The following IVNS1ABP variants were observed in gnomAD, a reference collection of about 807,000 sequenced individuals.
IVNS1ABP encodes influenza virus NS1A-binding protein.
A neutral mutation model predicts 78.9 loss-of-function variants in IVNS1ABP; 25 were observed. That is an observed-to-expected ratio of 0.32 (90% confidence interval 0.23 to 0.44). IVNS1ABP has a LOEUF of 0.44. IVNS1ABP is among the 20% of genes least tolerant of loss of function. IVNS1ABP has a pLI of 1.00. For missense variants in IVNS1ABP, 494 were observed against 768.9 expected (o/e 0.64, Z 4.23); for synonymous variants, 241 against 259.7 (o/e 0.93, Z 0.69).
In IVNS1ABP at chr1:185,307,526, G is replaced by T; in HGVS notation, c.494C>A (p.Ser165Tyr). 6.2e-7 allele frequency: 1 copy of T among 1,613,250 alleles called. No homozygotes were observed. Among genetic ancestry groups the T allele is most frequent in the East Asian group, 2.2e-5 (1 of 44,828 alleles). ...AYIQEHLLQI[S>Y]EEEEFLKLPR... ...AAGCTTAAGAAACTCCTCCTCTTCAGAAATTTGTAACAAATGCTCCTGAAT... is the reference window on the plus strand; with the variant it reads ...AAGCTTAAGAAACTCCTCCTCTTCATAAATTTGTAACAAATGCTCCTGAAT... The change falls in exon 6 of 15, where the codon TCT becomes TAT. Residue 165 changes from serine (S) to tyrosine (Y), a missense_variant. By Grantham distance (144) the Ser-to-Tyr change is moderately radical (BLOSUM62 -2). Coordinates refer to ENST00000367498, the MANE Select transcript of IVNS1ABP (RefSeq NM_006469.5).
intron 1 of IVNS1ABP, among the ~76,000 whole-genome samples, chr1:185,312,673 T>C (rs1324940586): frequency 1.3e-5 from 2 of 152,226 alleles, no homozygotes; most frequent in South Asian, 2.1e-4. Flanking sequence ...TTAGGTAATA[T>C]TGATTTCCTC....
chr1:185,307,822 T>C lies in IVNS1ABP; in HGVS notation c.358-160A>G, dbSNP rs374818026. ...GTGGTAATAACACGTATACAAATGA[T>C]AAACATCTAATTATGCCATACAGAT... On this transcript the variant is annotated intron_variant, in intron 5 of 14. Transcript: ENST00000367498. The C allele has an allele frequency of 4.9e-6, 6 of 1,220,186 alleles. No homozygotes were observed. The African/African-American group carries it at 7.6e-5, about 16-fold the overall frequency. The allele number at this position is 1,220,186 out of a possible 1,614,324, so 75.6% of individuals were successfully genotyped here. A position where few individuals can be genotyped will look rare whatever the true frequency, so the allele number is the denominator to read the frequency against.
In IVNS1ABP at chr1:185,297,097, G is replaced by A. The variant is rs1665439776; in HGVS notation, c.*938C>T. 1 of 152,064 alleles carries A rather than the reference G, an allele frequency of 6.6e-6. No individual in the cohort carries two copies. The highest frequency in any genetic ancestry group is 1.5e-5 in the Non-Finnish European group (1 of 68,004). The allele number at this position is 152,064 out of a possible 1,614,324, so 9.4% of individuals were successfully genotyped here. ...ATAAAACCTGCATTCACAACCTAAT[G>A]TAGTTTAAAGTAAATTTTTTCACAA... On this transcript the variant is annotated 3_prime_UTR_variant, in exon 15 of 15. Transcript: ENST00000367498.
At position 185,300,105 on chromosome 1, in the gene IVNS1ABP, T is replaced by C. The variant is rs1303352408; in HGVS notation, c.1395A>G (p.Leu465=). 2 of 1,613,410 alleles carry C rather than the reference T, an allele frequency of 1.2e-6. No individual in the cohort carries two copies. The highest frequency in any genetic ancestry group is 1.7e-6 in the Non-Finnish European group (2 of 1,179,598). ...ATGGATCAGAGCCACCAACGATGTATAACTTTCCATTCAGAGCACACACTC... is the reference window on the plus strand; with the variant it reads ...ATGGATCAGAGCCACCAACGATGTACAACTTTCCATTCAGAGCACACACTC... ...NAGVCALNGK[L]YIVGGSDPYG... The change falls in exon 13 of 15, where the codon TTA becomes TTG. Residue 465 remains leucine, a synonymous_variant. Transcript: ENST00000367498.
chr1:185,305,079 T>C lies in IVNS1ABP; in HGVS notation c.765+457A>G, dbSNP rs994526704. On this transcript the variant is annotated intron_variant, in intron 8 of 14. Transcript: ENST00000367498. The surrounding 1 kb of genome is among the most constrained non-coding windows in gnomAD (Gnocchi z 4.0). ...ATATGATCCACCACTTTTAGACTTA[T>C]TACATTGTATAGTCCATCTTAACTA... is the stretch of plus-strand genomic sequence containing the variant. 2.0e-5 allele frequency among the ~76,000 whole-genome samples: 3 copies of C among 152,180 alleles called. No individual in the cohort carries two copies. Among genetic ancestry groups the C allele is most frequent in the African/African-American group, 7.2e-5 (3 of 41,450 alleles).
chr1:185,304,997 A>T (rs1262139479), intron 8 of IVNS1ABP, among the ~76,000 whole-genome samples: 2 of 152,164 alleles, frequency 1.3e-5, no homozygotes, highest in Non-Finnish European at 2.9e-5. Flanking sequence ...AGCACAGTGG[A>T]ACTCTACTAT....
At position 185,298,278 on chromosome 1, in the gene IVNS1ABP, A is replaced by G; in HGVS notation, c.1686T>C (p.Phe562=). The change falls in exon 15 of 15, where the codon TTT becomes TTC. Residue 562 remains phenylalanine, a synonymous_variant. Coordinates refer to ENST00000367498, the MANE Select transcript of IVNS1ABP (RefSeq NM_006469.5). The surrounding 1 kb of genome is among the most constrained non-coding windows in gnomAD (Gnocchi z 4.1). ...AGVAVLNGKL[F]VCGGFDGSHA... is the part of the protein sequence containing the mutation. ...GAGAACCATCAAAGCCACCACATAC[A>G]AACAGTTTTCCTAAAAGAGAAATGA... 6.2e-7 allele frequency: 1 copy of G among 1,613,022 alleles called. No homozygotes were observed. Among genetic ancestry groups the G allele is most frequent in the East Asian group, 2.2e-5 (1 of 44,850 alleles).
chr1:185,303,936 G>A (rs772477341), intron 8 of IVNS1ABP, among the ~76,000 whole-genome samples: 4 of 152,002 alleles, frequency 2.6e-5, no homozygotes. Context: ...CTTACCTAAG[G>A]CTTCCCACTG....
Position 185,301,051 on chromosome 1 carries a change from G to A in IVNS1ABP, c.1041C>T (p.Ile347=), listed in dbSNP as rs1205339942. 5.0e-6 allele frequency: 8 copies of A among 1,613,426 alleles called. No individual in the cohort carries two copies. The highest frequency in any genetic ancestry group is 1.1e-5 in the South Asian group (1 of 91,068). The change falls in exon 10 of 15, where the codon ATC becomes ATT. Residue 347 remains isoleucine, a synonymous_variant. Transcript: ENST00000367498. ...LSFEMQQDEL[I]EKPMSPMQYA... is the part of the protein sequence containing the mutation. Reference sequence around the variant, plus strand: ...ACTGCATAGGAGACATGGGCTTTTCGATTAGCTCATCTTGTTGCATCTCAA... The same window carrying A: ...ACTGCATAGGAGACATGGGCTTTTCAATTAGCTCATCTTGTTGCATCTCAA...
At position 185,317,089 on chromosome 1, in the gene IVNS1ABP, G is replaced by A. The variant is rs1280464445; in HGVS notation, c.-383C>T. On this transcript the variant is annotated 5_prime_UTR_variant, in exon 1 of 15. Coordinates refer to ENST00000367498, the MANE Select transcript of IVNS1ABP (RefSeq NM_006469.5). ...GGGAGCGGTCAAGTAGAAGGACGAG[G>A]GGCCAGTCCGTGGAGACTGAAAGGA... 6 of 398,424 alleles carry A rather than the reference G, an allele frequency of 1.5e-5. No individual in the cohort carries two copies. The highest frequency in any genetic ancestry group is 1.8e-5 in the Non-Finnish European group (4 of 226,104). The allele number at this position is 398,424 out of a possible 1,614,324, so 24.7% of individuals were successfully genotyped here.
At position 185,300,095 on chromosome 1, in the gene IVNS1ABP, C is replaced by T; in HGVS notation, c.1405G>A (p.Gly469Ser). 1 of 1,613,296 alleles carries T rather than the reference C, an allele frequency of 6.2e-7. No individual in the cohort carries two copies. Among genetic ancestry groups the T allele is most frequent in the Non-Finnish European group, 8.5e-7 (1 of 1,179,578 alleles). ...TTTTGACCATATGGATCAGAGCCAC[C>T]AACGATGTATAACTTTCCATTCAGA... ...CALNGKLYIV[G>S]GSDPYGQKGL... Residue 469 changes from glycine (G) to serine (S), a missense_variant, in exon 13 of 15, where the codon GGT becomes AGT. Gly to Ser is a moderately conservative substitution (Grantham distance 56, BLOSUM62 0). Transcript: ENST00000367498.
At chr1:185,307,901 C>A in intron 5 of IVNS1ABP, 1 of 1,511,970 alleles carries the variant, frequency 6.6e-7, no homozygotes, top group South Asian at 1.3e-5. Context: ...TATGTAAGTT[C>A]ACATAAGTAT....
Position 185,301,421 on chromosome 1 carries a change from G to A in IVNS1ABP, c.895+13C>T. ...GTAAGCTGAAAACAATCTGGCAAGT[G>A]TCATATACTTACTTGAAGTCTTTTC... On this transcript the variant is annotated intron_variant, in intron 9 of 14. Coordinates refer to ENST00000367498, the MANE Select transcript of IVNS1ABP (RefSeq NM_006469.5). The A allele has an allele frequency of 6.2e-7, 1 of 1,612,672 alleles. No individual in the cohort carries two copies. Among genetic ancestry groups the A allele is most frequent in the Non-Finnish European group, 8.5e-7 (1 of 1,179,004 alleles).
In IVNS1ABP at chr1:185,317,194, G is replaced by C. The variant is rs1666062963; in HGVS notation, c.-488C>G. On this transcript the variant is annotated 5_prime_UTR_variant, in exon 1 of 15. Coordinates refer to ENST00000367498, the MANE Select transcript of IVNS1ABP (RefSeq NM_006469.5). Reference sequence around the variant, plus strand: ...CGCCGAAGCAGCAGGCGGAGAAACTGCGCCCAGCAGCTCTGAGCGACCGAC... The same window carrying C: ...CGCCGAAGCAGCAGGCGGAGAAACTCCGCCCAGCAGCTCTGAGCGACCGAC... The C allele has an allele frequency of 2.5e-6, 1 of 398,102 alleles. No individual in the cohort carries two copies. Among genetic ancestry groups the C allele is most frequent in the Admixed American group, 4.4e-5 (1 of 22,658 alleles). The allele number at this position is 398,102 out of a possible 1,614,324, so 24.7% of individuals were successfully genotyped here.
At chr1:185,300,809 TAC>T (rs1665573540) in intron 10 of IVNS1ABP, 161 bp downstream of exon 10, 1 of 686,180 alleles carries the variant, frequency 1.5e-6, no homozygotes, top group Non-Finnish European at 2.4e-6. Context: ...AAAAATTAGA[TAC>T]AGACATTGAA....
At chr1:185,313,659 A>T (rs1023170680) in intron 1 of IVNS1ABP, among the ~76,000 whole-genome samples, 11 of 152,200 alleles carry the variant, frequency 7.2e-5, no homozygotes, top group African/African-American at 2.7e-4. Flanking sequence ...TAGTGGAATT[A>T]AAAAATGGGG....
chr1:185,307,872 G>A (rs1665780038), intron 5 of IVNS1ABP: 1 of 1,448,488 alleles, frequency 6.9e-7, no homozygotes, highest in Non-Finnish European at 9.3e-7. Flanking sequence ...TTAAGGAGAG[G>A]TACAACAAAT....
chr1:185,300,363 T>G lies in IVNS1ABP; in HGVS notation c.1243-20A>C, dbSNP rs150401241. On this transcript the variant is annotated intron_variant, in intron 11 of 14. Coordinates refer to ENST00000367498, the MANE Select transcript of IVNS1ABP (RefSeq NM_006469.5). ...CTGGCCCTATGCCAAAAGTGAGAGATGAGAATTTCTAACATCCTGAAGTTA... is the reference window on the plus strand; with the variant it reads ...CTGGCCCTATGCCAAAAGTGAGAGAGGAGAATTTCTAACATCCTGAAGTTA... The G allele has an allele frequency of 1.9e-4, 301 of 1,611,532 alleles. 1 individual carries two copies. In the African/African-American group the frequency reaches 2.0e-3, roughly 11 times the overall value.
chr1:185,299,338 C>T (rs113632872), intron 14 of IVNS1ABP: 5 of 252,776 alleles, frequency 2.0e-5, no homozygotes, highest in African/African-American at 6.6e-5. Context: ...ATGGAGTAGA[C>T]AGTTGGAAAA....
Sources: allele counts gnomAD v4.1 joint callset (sites outside exome capture counted in the v4.1 genomes callset), GRCh38; gene constraint gnomAD v4.1.1; non-coding constraint Gnocchi (gnomAD v3.1); transcripts MANE v1.5; gene names NCBI Gene and HGNC (gene_info 2026-07-23, HGNC 2026-07-21).